The following SNAP91 variants were observed in gnomAD, a reference collection of about 807,000 sequenced individuals.
SNAP91 encodes clathrin coat assembly protein AP180.
SNAP91 carries 27 observed loss-of-function variants against 100.3 expected under a neutral mutation model. The ratio of observed to expected loss-of-function variants is 0.27; its 90% CI spans 0.20 to 0.37. The LOEUF (loss-of-function observed/expected upper bound fraction) is 0.37. Ranked by LOEUF, SNAP91 falls within the 10% of genes least tolerant of loss-of-function variation. The probability of loss-of-function intolerance (pLI) is 1.00; values close to 1 mark genes in which losing one functional copy is unlikely to be tolerated. For synonymous variants in SNAP91, 404 were observed against 398.6 expected, an observed-to-expected ratio of 1.01 and a Z score of -0.16; for missense variants, 986 against 1,123.7, an observed-to-expected ratio of 0.88 and a Z score of 1.75.
intron 2 of SNAP91, among the ~76,000 whole-genome samples, chr6:83,695,515 A>C (rs1043531543): frequency 2.6e-5 from 4 of 152,128 alleles, no homozygotes; most frequent in African/African-American, 9.7e-5. Context: ...TTGATGCAAC[A>C]AATTTGGGGG....
In SNAP91 at chr6:83,662,366, C is replaced by CA; in HGVS notation, c.329dup (p.Leu110PhefsTer10). 2.8e-6 allele frequency: 4 copies of CA among 1,433,186 alleles called. No homozygotes were observed. The highest frequency in any genetic ancestry group is 4.9e-5 in the Admixed American group (2 of 40,886). 88.8% of individuals were successfully genotyped at this position (1,433,186 alleles called of 1,614,324 possible). ...TCTCACCATGGGATCCACTTTTGTC[C>CA]AAAAAATTGCTGAGATTGAATAGTG... On this transcript the variant is annotated frameshift_variant, in exon 4 of 30. Transcript: ENST00000369694. LOFTEE classifies it high-confidence loss of function.
At chr6:83,594,861 T>G (rs1329829795) in intron 16 of SNAP91, among the ~76,000 whole-genome samples, 2 of 152,204 alleles carry the variant, frequency 1.3e-5, no homozygotes, top group Non-Finnish European at 2.9e-5. Flanking sequence ...CAGGTAACAC[T>G]GATTCACTGT....
At chr6:83,705,043 T>C (rs1051253592) in intron 2 of SNAP91, among the ~76,000 whole-genome samples, 5 of 152,206 alleles carry the variant, frequency 3.3e-5, no homozygotes, top group Non-Finnish European at 2.9e-5. Context: ...TGAGCAAAGA[T>C]GTCCTCTTAA....
intron 16 of SNAP91, among the ~76,000 whole-genome samples, chr6:83,599,855 G>C (rs1036313145): frequency 6.6e-6 from 1 of 152,086 alleles, no homozygotes; most frequent in Non-Finnish European, 1.5e-5. Flanking sequence ...GCGTGATCAG[G>C]CTCACTGTAA....
At chr6:83,569,111 A>G (rs554852215) in intron 26 of SNAP91, among the ~76,000 whole-genome samples, 8 of 152,232 alleles carry the variant, frequency 5.3e-5, no homozygotes, top group Non-Finnish European at 1.0e-4. Flanking sequence ...GAATATAGAT[A>G]AAACTAAGAA....
Position 83,622,264 on chromosome 6 carries a change from G to A in SNAP91, c.807+1037C>T, listed in dbSNP as rs542761149. ...TTGCTCTGTGAATTTTATTCATAAA[G>A]AATTCTTGATATTTAATTGGCATTT... On this transcript the variant is annotated intron_variant, in intron 9 of 29. Transcript: ENST00000369694. Among the ~76,000 whole-genome samples, 394 of 152,076 alleles carry A rather than the reference G, an allele frequency of 2.6e-3. 1 individual carries two copies. Among genetic ancestry groups the A allele is most frequent in the Non-Finnish European group, 4.6e-3 (311 of 67,898 alleles).
chr6:83,660,765 T>C (rs1191304971), intron 5 of SNAP91, among the ~76,000 whole-genome samples: 3 of 150,590 alleles, frequency 2.0e-5, no homozygotes, highest in African/African-American at 5.0e-5. Flanking sequence ...TATATAGCTA[T>C]TGGCTATTTT....
chr6:83,617,097 T>C, intron 9 of SNAP91, 58 bp from the exon 10 acceptor site: 1 of 1,147,448 alleles, frequency 8.7e-7, no homozygotes, highest in Middle Eastern at 2.0e-4. Flanking sequence ...GTAAACACAC[T>C]GTAATGTCAC....
At chr6:83,560,519 T>C (rs1490269131) in intron 27 of SNAP91, among the ~76,000 whole-genome samples, 1 of 152,220 alleles carries the variant, frequency 6.6e-6, no homozygotes, top group Non-Finnish European at 1.5e-5. Context: ...TTATGAAAGA[T>C]GGTCCTAAAA....
At chr6:83,639,774 A>G (rs2097605133) in intron 8 of SNAP91, among the ~76,000 whole-genome samples, 1 of 152,130 alleles carries the variant, frequency 6.6e-6, no homozygotes, top group Admixed American at 6.5e-5. Flanking sequence ...AACAAATGAG[A>G]AACTGGGATG....
chr6:83,625,793 A>G (rs1393760192), intron 8 of SNAP91, among the ~76,000 whole-genome samples: 1 of 152,016 alleles, frequency 6.6e-6, no homozygotes, highest in Non-Finnish European at 1.5e-5. Flanking sequence ...GTCAGAAACA[A>G]AGGTGAAGAA....
intron 25 of SNAP91, 192 bp from the exon 26 acceptor site, chr6:83,575,313 T>A: frequency 1.7e-6 from 1 of 573,766 alleles, no homozygotes; most frequent in Non-Finnish European, 3.0e-6. Flanking sequence ...CTTAAAAGCA[T>A]TTGAAAAAAA....
intron 2 of SNAP91, chr6:83,690,144 TGA>T (rs2099112961): frequency 5.5e-6 from 2 of 363,526 alleles, no homozygotes; most frequent in Non-Finnish European, 8.0e-6. Flanking sequence ...GCATCACATT[TGA>T]GAGTTTTCCT....
At chr6:83,579,115 C>T (rs1296601166) in intron 24 of SNAP91, among the ~76,000 whole-genome samples, 1 of 152,082 alleles carries the variant, frequency 6.6e-6, no homozygotes, top group East Asian at 1.9e-4. Flanking sequence ...ATTCCAGTAC[C>T]ATTTGTCCTG....
chr6:83,593,043 C>T (rs1274086372), intron 19 of SNAP91, 26 bp from the exon 20 acceptor site: 3 of 1,561,040 alleles, frequency 1.9e-6, no homozygotes, highest in Non-Finnish European at 2.6e-6. Context: ...CAAACCAAAA[C>T]CAAGCAGAGG....
At chr6:83,662,452 C>T (rs764961148) in intron 3 of SNAP91, 30 bp from the exon 4 acceptor site, 40 of 904,966 alleles carry the variant, frequency 4.4e-5, no homozygotes, top group Non-Finnish European at 4.9e-5. Context: ...ATTAAACACA[C>T]ATTTTAAAAT....
chr6:83,592,636 C>A, intron 20 of SNAP91, 98 bp from the exon 21 acceptor site: 1 of 969,380 alleles, frequency 1.0e-6, no homozygotes, highest in South Asian at 1.5e-5. Context: ...ATGGTTCACT[C>A]CAGGCAGAAA....
intron 2 of SNAP91, chr6:83,678,693 T>C (rs1335485813): frequency 3.4e-6 from 4 of 1,189,792 alleles, no homozygotes; most frequent in Non-Finnish European, 4.5e-6. Flanking sequence ...ACCTTCTACC[T>C]TCCACTCCTG....
At chr6:83,659,798 G>A (rs924161972) in intron 5 of SNAP91, among the ~76,000 whole-genome samples, 2 of 151,718 alleles carry the variant, frequency 1.3e-5, no homozygotes, top group Admixed American at 1.3e-4. Flanking sequence ...AACATGTCTT[G>A]GAAGTTTATA....
Sources: gnomAD v4.1 joint callset for allele counts (sites outside exome capture counted in the v4.1 genomes callset) on GRCh38, gnomAD v4.1.1 for gene constraint, MANE v1.5 for transcripts, NCBI Gene and HGNC (gene_info 2026-07-23, HGNC 2026-07-21) for gene names.